CHST9: variants seen among roughly 807,000 people sequenced by gnomAD.
CHST9 encodes GalNAc-4-sulfotransferase 2.
Under a neutral mutation model 44.4 loss-of-function variants are expected in CHST9, and 41 were observed. The ratio of observed to expected loss-of-function variants is 0.92; its 90% CI spans 0.72 to 1.20. The LOEUF (loss-of-function observed/expected upper bound fraction) is 1.20, where lower values mean the gene tolerates loss of function less well. Ranked by LOEUF, CHST9 falls within the 50% of genes most tolerant of loss-of-function variation. The probability of loss-of-function intolerance (pLI) is 0.00; values close to 1 mark genes in which losing one functional copy is unlikely to be tolerated. For synonymous variants in CHST9, 171 were observed against 178.4 expected, an observed-to-expected ratio of 0.96 and a Z score of 0.33; for missense variants, 504 against 516.5, an observed-to-expected ratio of 0.98 and a Z score of 0.23.
At chr18:27,057,675 T>C (rs767466545) in intron 2 of CHST9, among the ~76,000 whole-genome samples, 28 of 152,236 alleles carry the variant, frequency 1.8e-4, no homozygotes, top group Non-Finnish European at 3.2e-4. Flanking sequence ...AACATATCGA[T>C]ACAGATAGAT....
chr18:26,959,437 C>G (rs925242889), intron 4 of CHST9, among the ~76,000 whole-genome samples: 1 of 152,184 alleles, frequency 6.6e-6, no homozygotes, highest in African/African-American at 2.4e-5. Flanking sequence ...ACCCAGGTAA[C>G]AAACCTGCAC....
chr18:26,945,531 G>C (rs2056149132), intron 4 of CHST9, among the ~76,000 whole-genome samples: 1 of 152,166 alleles, frequency 6.6e-6, no homozygotes, highest in South Asian at 2.1e-4. Flanking sequence ...GAGCCTTTAA[G>C]GATTGGCTTT....
chr18:27,172,474 T>C (rs899710718), intron 1 of CHST9, among the ~76,000 whole-genome samples: 1 of 151,990 alleles, frequency 6.6e-6, no homozygotes, highest in Non-Finnish European at 1.5e-5. Flanking sequence ...GCAAAGCTGT[T>C]ATATTATTAC....
intron 3 of CHST9, among the ~76,000 whole-genome samples, chr18:27,034,116 T>G (rs1843479): frequency 0.39 from 59,570 of 152,070 alleles, 12,122 homozygotes; most frequent in East Asian, 0.5. Flanking sequence ...ATTTCAAATT[T>G]AAGATAAATA....
intron 1 of CHST9, among the ~76,000 whole-genome samples, chr18:27,171,493 A>G (rs1261748867): frequency 6.6e-6 from 1 of 152,198 alleles, no homozygotes; most frequent in East Asian, 1.9e-4. Flanking sequence ...AATGTAACCA[A>G]AATCTAAAAT....
intron 2 of CHST9, among the ~76,000 whole-genome samples, chr18:27,066,865 A>G (rs2143634271): frequency 6.6e-6 from 1 of 152,322 alleles, no homozygotes; most frequent in East Asian, 1.9e-4. Flanking sequence ...TTAAACTTAT[A>G]AATACCATGA....
At chr18:26,938,560 G>A (rs1431164493) in intron 5 of CHST9, among the ~76,000 whole-genome samples, 4 of 152,130 alleles carry the variant, frequency 2.6e-5, no homozygotes, top group Admixed American at 6.5e-5. Context: ...AATAGTGCAA[G>A]GTAATGCAAT....
chr18:27,175,470 C>T (rs2058861142), intron 1 of CHST9, among the ~76,000 whole-genome samples: 1 of 151,970 alleles, frequency 6.6e-6, no homozygotes, highest in Admixed American at 6.6e-5. Context: ...ATTCAACAGC[C>T]CTGCCCTACT....
At chr18:27,041,668 A>G (rs150144489) in intron 3 of CHST9, among the ~76,000 whole-genome samples, 1 of 152,228 alleles carries the variant, frequency 6.6e-6, no homozygotes, top group African/African-American at 2.4e-5. Flanking sequence ...TTCATTAGCT[A>G]CTTAGCATTT....
At chr18:26,961,848 A>T (rs931330463) in intron 4 of CHST9, among the ~76,000 whole-genome samples, 1 of 152,164 alleles carries the variant, frequency 6.6e-6, no homozygotes, top group African/African-American at 2.4e-5. Flanking sequence ...TCTTTTTTGC[A>T]CATTAGGACA....
chr18:26,967,795 C>G (rs2056486272), intron 4 of CHST9, among the ~76,000 whole-genome samples: 1 of 152,044 alleles, frequency 6.6e-6, no homozygotes. Context: ...AAGGGTAGAC[C>G]CACCCTCAAT....
intron 4 of CHST9, 41 bp downstream of exon 4, chr18:27,024,075 A>G (rs181347912): frequency 1.0e-5 from 16 of 1,593,304 alleles, no homozygotes; most frequent in Non-Finnish European, 1.3e-5. Context: ...CTGCTTATCT[A>G]TAACTACCCA....
At chr18:27,126,404 A>C (rs534581251) in intron 2 of CHST9, among the ~76,000 whole-genome samples, 1 of 152,286 alleles carries the variant, frequency 6.6e-6, no homozygotes, top group East Asian at 1.9e-4. Context: ...TGAGTGTGAT[A>C]AGGATGATAT....
intron 4 of CHST9, among the ~76,000 whole-genome samples, chr18:26,948,187 A>G (rs2056192764): frequency 6.6e-6 from 1 of 152,186 alleles, no homozygotes; most frequent in African/African-American, 2.4e-5. Flanking sequence ...CATAAGTGGG[A>G]GCTGAACAAT....
intron 4 of CHST9, among the ~76,000 whole-genome samples, chr18:26,995,809 T>C (rs967954112): frequency 1.3e-5 from 2 of 152,214 alleles, no homozygotes; most frequent in African/African-American, 4.8e-5. Context: ...CTTTGTCTAT[T>C]ATTAAAGCAA....
chr18:27,085,235 A>C (rs2058000748), intron 2 of CHST9, among the ~76,000 whole-genome samples: 1 of 152,176 alleles, frequency 6.6e-6, no homozygotes, highest in African/African-American at 2.4e-5. Context: ...TAATGACTCC[A>C]AAAGTAATGG....
At chr18:27,098,341 T>C (rs535535520) in intron 2 of CHST9, among the ~76,000 whole-genome samples, 9 of 152,154 alleles carry the variant, frequency 5.9e-5, no homozygotes, top group African/African-American at 2.2e-4. Flanking sequence ...GAAATAGGAA[T>C]GCTTTTACAC....
Position 27,144,279 on chromosome 18 carries a change from T to C in CHST9, c.-96-1374A>G, listed in dbSNP as rs576290871. ...TGAGGAGAGTCTTTGATGGAAAATA[T>C]TGATTTTGCCTAAGAGGTGTTTTAT... On this transcript the variant is annotated intron_variant, in intron 1 of 5. Transcript: ENST00000618847. Among the ~76,000 whole-genome samples, 5 of 152,342 alleles carry C rather than the reference T, an allele frequency of 3.3e-5. No individual in the cohort carries two copies. In the South Asian group the frequency reaches 1.0e-3, roughly 32 times the overall value.
chr18:27,102,210 T>C (rs1426499621), intron 2 of CHST9, among the ~76,000 whole-genome samples: 2 of 152,220 alleles, frequency 1.3e-5, no homozygotes, highest in African/African-American at 2.4e-5. Context: ...TAAAAGTTAA[T>C]AAAACAATAT....
Sources: gnomAD v4.1 joint callset for allele counts (sites outside exome capture counted in the v4.1 genomes callset) on GRCh38, gnomAD v4.1.1 for gene constraint, MANE v1.5 for transcripts, NCBI Gene and HGNC (gene_info 2026-07-23, HGNC 2026-07-21) for gene names.